The following NECTIN1 variants were observed in gnomAD, a reference collection of about 807,000 sequenced individuals.
The protein encoded by NECTIN1 is nectin-1.
Under a neutral mutation model 48.0 loss-of-function variants are expected in NECTIN1, and 23 were observed. That is an observed-to-expected ratio of 0.48 (90% CI 0.34 to 0.68). The LOEUF (loss-of-function observed/expected upper bound fraction) is 0.68. Ranked by LOEUF, NECTIN1 falls within the 30% of genes least tolerant of loss-of-function variation. NECTIN1 has a pLI of 0.01. For synonymous variants in NECTIN1, 270 were observed against 288.9 expected, an observed-to-expected ratio of 0.93 and a Z score of 0.66; for missense variants, 591 against 709.9, an observed-to-expected ratio of 0.83 and a Z score of 1.90.
rs1336081661 is a variant in NECTIN1 at position 119,672,809 on chromosome 11, C to G, written c.1003+2350G>C. 6.6e-6 allele frequency among the ~76,000 whole-genome samples: 1 copy of G among 152,198 alleles called. No individual in the cohort carries two copies. The highest frequency in any genetic ancestry group is 2.4e-5 in the African/African-American group (1 of 41,448). ...CAGCCCTGCCTACTCACTCATCTCCCAGCAACCACTCAGTGCTCCTTCCTC... is the reference window on the plus strand; with the variant it reads ...CAGCCCTGCCTACTCACTCATCTCCGAGCAACCACTCAGTGCTCCTTCCTC... On this transcript the variant is annotated intron_variant, in intron 5 of 5. Transcript: ENST00000264025. This position sits in a 1 kb window ranked among gnomAD's most constrained non-coding sequence, Gnocchi z 4.3.
In NECTIN1 at chr11:119,661,295, G is replaced by A. The variant is rs1864658862; in HGVS notation, c.*3452C>T. On this transcript the variant is annotated 3_prime_UTR_variant, in exon 6 of 6. Coordinates refer to ENST00000264025, the MANE Select transcript of NECTIN1 (RefSeq NM_002855.5). ...CCATTCCTCACAGCAGGGGTCAGAA[G>A]AGCAGCAGCACCGAGTGGGACAGGG... 1.0e-6 allele frequency: 1 copy of A among 985,954 alleles called. No homozygotes were observed. The highest frequency in any genetic ancestry group is 1.2e-6 in the Non-Finnish European group (1 of 829,966). 61.1% of individuals were successfully genotyped at this position (985,954 alleles called of 1,614,324 possible).
At chr11:119,700,321 T>C (rs978294971) in intron 1 of NECTIN1, among the ~76,000 whole-genome samples, 1 of 152,200 alleles carries the variant, frequency 6.6e-6, no homozygotes, top group Non-Finnish European at 1.5e-5. Flanking sequence ...AGTTACAATG[T>C]CATTTGTCAA....
chr11:119,686,567 C>T (rs915150450), intron 1 of NECTIN1, among the ~76,000 whole-genome samples: 4 of 152,144 alleles, frequency 2.6e-5, no homozygotes, highest in Admixed American at 6.5e-5. Flanking sequence ...GAAGTTTTTC[C>T]GGGCTCTAGA....
chr11:119,701,861 T>C (rs885429), intron 1 of NECTIN1, among the ~76,000 whole-genome samples: 1 of 152,040 alleles, frequency 6.6e-6, no homozygotes, highest in African/African-American at 2.4e-5. Context: ...TCCGCCTCAC[T>C]GGCTCCCGCC....
chr11:119,685,066 A>G (rs1006833267), intron 1 of NECTIN1, among the ~76,000 whole-genome samples: 2 of 152,120 alleles, frequency 1.3e-5, no homozygotes, highest in African/African-American at 4.8e-5. Flanking sequence ...GGGGCTGCGC[A>G]CAGTCTGGAC....
intron 1 of NECTIN1, among the ~76,000 whole-genome samples, chr11:119,715,791 C>T (rs1025063811): frequency 3.9e-5 from 6 of 152,174 alleles, no homozygotes; most frequent in Non-Finnish European, 7.4e-5. Context: ...CTCCATCTCT[C>T]CACCATCCAC....
At chr11:119,666,366 GA>G (rs1262579669) in intron 5 of NECTIN1, among the ~76,000 whole-genome samples, 2 of 152,226 alleles carry the variant, frequency 1.3e-5, no homozygotes, top group African/African-American at 4.8e-5. Flanking sequence ...GAAGAGAAAG[GA>G]AGCAGGTGGG....
rs555400580 is a variant in NECTIN1, at chr11:119,653,313, T to TA, written c.1004-13302dup. Among the ~76,000 whole-genome samples the TA allele has an allele frequency of 7.2e-5, 11 of 152,354 alleles. No individual in the cohort carries two copies. The South Asian group carries it at 1.4e-3, about 20-fold the overall frequency. ...GGTTGAGACCTATCCTCTCGCTTCC[T>TA]ATGTCAGGTGGCTCCCGGGGCATTT... On this transcript the variant is annotated intron_variant, in intron 5 of 7. Coordinates refer to the NECTIN1 transcript ENST00000341398.
rs757154317 is a variant in NECTIN1, at chr11:119,664,746, G to C, written c.*1C>G. 1.9e-6 allele frequency: 3 copies of C among 1,608,614 alleles called. No individual in the cohort carries two copies. The highest frequency in any genetic ancestry group is 2.5e-6 in the Non-Finnish European group (3 of 1,177,184). ...CACAGACAGAGGCTCTGGAAGGGGGGCTACACGTACCACTCCTTCTTGGAA... is the reference window on the plus strand; with the variant it reads ...CACAGACAGAGGCTCTGGAAGGGGGCCTACACGTACCACTCCTTCTTGGAA... On this transcript the variant is annotated 3_prime_UTR_variant, in exon 6 of 6. Coordinates refer to ENST00000264025, the MANE Select transcript of NECTIN1 (RefSeq NM_002855.5).
chr11:119,705,744 G>A (rs117904229), intron 1 of NECTIN1, among the ~76,000 whole-genome samples: 4 of 152,380 alleles, frequency 2.6e-5, no homozygotes, highest in Non-Finnish European at 4.4e-5. Context: ...AGGGAGCGCA[G>A]GCCGGGAGAC....
At chr11:119,676,774 G>C (rs1450462982) in intron 4 of NECTIN1, 2 of 395,758 alleles carry the variant, frequency 5.1e-6, no homozygotes, top group Non-Finnish European at 9.6e-6. Context: ...AATAAATACT[G>C]GGGGGTTGGG....
intron 1 of NECTIN1, among the ~76,000 whole-genome samples, chr11:119,685,182 T>C (rs1025959931): frequency 9.2e-5 from 14 of 152,214 alleles, no homozygotes; most frequent in African/African-American, 2.9e-4. Context: ...TAACATCCCA[T>C]GAGCCCACAG....
intron 5 of NECTIN1, among the ~76,000 whole-genome samples, chr11:119,649,170 A>G (rs1042171029): frequency 6.6e-6 from 1 of 152,172 alleles, no homozygotes; most frequent in Non-Finnish European, 1.5e-5. Flanking sequence ...CACGAGGTCA[A>G]GAGATCGAGA....
chr11:119,660,003 C>T (rs543052924), downstream of NECTIN1, among the ~76,000 whole-genome samples: 1 of 152,330 alleles, frequency 6.6e-6, no homozygotes, highest in South Asian at 2.1e-4. Flanking sequence ...AGCGGGGGCT[C>T]AGCCAGCTGC....
At chr11:119,655,825 G>T (rs1167803715) in intron 5 of NECTIN1, among the ~76,000 whole-genome samples, 1 of 152,158 alleles carries the variant, frequency 6.6e-6, no homozygotes, top group East Asian at 1.9e-4. Context: ...AGCACCAGAG[G>T]CTGGGCACAT....
chr11:119,716,556 A>T (rs1865745489), intron 1 of NECTIN1, among the ~76,000 whole-genome samples: 1 of 152,236 alleles, frequency 6.6e-6, no homozygotes, highest in African/African-American at 2.4e-5. Context: ...TTTGACTCCA[A>T]AATAACCACT....
chr11:119,663,493 C>A lies in NECTIN1; in HGVS notation c.*1254G>T, dbSNP rs986455146. ...GAGGTGGCCTAGCGGCCCCACCCCC[C>A]TCACTTTCTGCCAGGCCCGAGGCTT... On this transcript the variant is annotated 3_prime_UTR_variant, in exon 6 of 6. Coordinates refer to ENST00000264025, the MANE Select transcript of NECTIN1 (RefSeq NM_002855.5). The A allele has an allele frequency of 1.0e-6, 1 of 985,568 alleles. No homozygotes were observed. Among genetic ancestry groups the A allele is most frequent in the Middle Eastern group, 5.2e-4 (1 of 1,914 alleles). 61.1% of individuals were successfully genotyped at this position (985,568 alleles called of 1,614,324 possible).
chr11:119,723,854 C>T (rs374158079), intron 1 of NECTIN1, among the ~76,000 whole-genome samples: 4 of 152,118 alleles, frequency 2.6e-5, no homozygotes, highest in Admixed American at 2.6e-4. Context: ...CCAGCCAGCA[C>T]ATCTGCTGCT....
At chr11:119,653,424 C>G (rs1426913321) in intron 5 of NECTIN1, among the ~76,000 whole-genome samples, 1 of 152,214 alleles carries the variant, frequency 6.6e-6, no homozygotes, top group Non-Finnish European at 1.5e-5. Context: ...CTCAGTGTCC[C>G]CTGCAGGAGG....
Sources: allele counts gnomAD v4.1 joint callset (sites outside exome capture counted in the v4.1 genomes callset), GRCh38; gene constraint gnomAD v4.1.1; non-coding constraint Gnocchi (gnomAD v3.1); transcripts MANE v1.5; gene names NCBI Gene and HGNC (gene_info 2026-07-23, HGNC 2026-07-21).